The following SRPK2 variants were observed in gnomAD, a reference collection of about 807,000 sequenced individuals.
SRPK2 encodes the protein SFRS protein kinase 2.
In SRPK2, 21 loss-of-function variants were observed where a neutral mutation model predicts 90.8. That is an observed-to-expected ratio of 0.23 (90% CI 0.16 to 0.33). SRPK2 has a LOEUF of 0.33. Ranked by LOEUF, SRPK2 falls within the 10% of genes least tolerant of loss-of-function variation. The pLI, the probability that SRPK2 is intolerant of heterozygous loss-of-function variation, is 1.00. For synonymous variants in SRPK2, 288 were observed against 311.1 expected (o/e 0.93, Z 0.78); for missense variants, 620 against 869.0 (o/e 0.71, Z 3.60).
At position 105,252,158 on chromosome 7, in the gene SRPK2, TA is replaced by T. The variant is rs572483251; in HGVS notation, c.72-48374del. ...GATGACAGAAAATTAAGCAGCTCCT[TA>T]AAATAAAAAATGCTCAAAATAACTT... On this transcript the variant is annotated intron_variant, in intron 2 of 15. Transcript: ENST00000393651. Among the ~76,000 whole-genome samples the T allele has an allele frequency of 2.1e-3, 321 of 152,266 alleles. 1 individual carries two copies. Among genetic ancestry groups the T allele is most frequent in the African/African-American group, 7.4e-3 (309 of 41,564 alleles).
chr7:105,174,616 A>G (rs1791598795), intron 3 of SRPK2, among the ~76,000 whole-genome samples: 1 of 152,202 alleles, frequency 6.6e-6, no homozygotes, highest in Non-Finnish European at 1.5e-5. Flanking sequence ...AACATAACAT[A>G]AAGACACATT....
intron 2 of SRPK2, among the ~76,000 whole-genome samples, chr7:105,320,942 T>C (rs977153424): frequency 6.6e-6 from 1 of 152,176 alleles, no homozygotes; most frequent in Non-Finnish European, 1.5e-5. Context: ...GCAATCCCTC[T>C]GCCTCAGCCT....
chr7:105,173,112 A>T (rs888522602), intron 3 of SRPK2, among the ~76,000 whole-genome samples: 4 of 151,042 alleles, frequency 2.6e-5, no homozygotes, highest in Admixed American at 2.6e-4. Context: ...ATTACACAAG[A>T]GGGGCATTTT....
intron 3 of SRPK2, among the ~76,000 whole-genome samples, chr7:105,171,124 T>C (rs1329751648): frequency 1.3e-5 from 2 of 151,624 alleles, no homozygotes; most frequent in East Asian, 1.9e-4. Context: ...AAATCAGCTA[T>C]AGAGGGCACC....
intron 2 of SRPK2, among the ~76,000 whole-genome samples, chr7:105,380,028 G>A (rs1469910074): frequency 1.3e-5 from 2 of 152,232 alleles, no homozygotes; most frequent in Non-Finnish European, 2.9e-5. Flanking sequence ...TGCAGTCCCA[G>A]CTACTTGGGA....
intron 2 of SRPK2, among the ~76,000 whole-genome samples, chr7:105,228,035 C>A (rs1400386552): frequency 6.6e-6 from 1 of 151,756 alleles, no homozygotes; most frequent in African/African-American, 2.4e-5. Context: ...ATGGTGAAAA[C>A]CAATATCCTA....
intron 2 of SRPK2, among the ~76,000 whole-genome samples, chr7:105,345,668 T>G (rs1816369393): frequency 6.6e-6 from 1 of 152,212 alleles, no homozygotes; most frequent in Non-Finnish European, 1.5e-5. Flanking sequence ...TCATATTTAT[T>G]TTACACATGA....
At chr7:105,388,441 T>C (rs968506793) in intron 2 of SRPK2, among the ~76,000 whole-genome samples, 1 of 146,286 alleles carries the variant, frequency 6.8e-6, no homozygotes. Context: ...TCCGTGATGC[T>C]AGGGAACCGG....
chr7:105,279,786 A>G (rs889442039), intron 2 of SRPK2, among the ~76,000 whole-genome samples: 1 of 152,208 alleles, frequency 6.6e-6, no homozygotes, highest in Non-Finnish European at 1.5e-5. Context: ...TAGTTAATCC[A>G]GCCCCTCAAC....
chr7:105,155,059 C>T (rs184170641), intron 7 of SRPK2, among the ~76,000 whole-genome samples: 2 of 152,248 alleles, frequency 1.3e-5, no homozygotes, highest in East Asian at 1.9e-4. Flanking sequence ...CGGCTCACTG[C>T]AGCCTCCGCC....
chr7:105,184,429 T>A (rs1275584608), intron 3 of SRPK2, among the ~76,000 whole-genome samples: 1 of 152,222 alleles, frequency 6.6e-6, no homozygotes, highest in Non-Finnish European at 1.5e-5. Context: ...GGAAACCAAA[T>A]ACACGATCTT....
chr7:105,376,290 C>A (rs979074572), intron 2 of SRPK2, among the ~76,000 whole-genome samples: 1 of 151,832 alleles, frequency 6.6e-6, no homozygotes, highest in Admixed American at 6.6e-5. Context: ...AATCACCACG[C>A]CCGGCCAAAA....
chr7:105,123,219 A>T (rs1278020418), intron 15 of SRPK2, among the ~76,000 whole-genome samples: 1 of 152,240 alleles, frequency 6.6e-6, no homozygotes, highest in Non-Finnish European at 1.5e-5. Flanking sequence ...CTGACCAAAA[A>T]TACAGCTCAA....
At chr7:105,274,162 GGTC>G (rs1323629980) in intron 2 of SRPK2, among the ~76,000 whole-genome samples, 4 of 152,064 alleles carry the variant, frequency 2.6e-5, no homozygotes, top group African/African-American at 9.7e-5. Context: ...TGACCTTTCT[GGTC>G]TTAAAGCGTA....
At chr7:105,322,015 C>T (rs1234122689) in intron 2 of SRPK2, among the ~76,000 whole-genome samples, 1 of 152,056 alleles carries the variant, frequency 6.6e-6, no homozygotes, top group Non-Finnish European at 1.5e-5. Flanking sequence ...CAGCATTATC[C>T]ACAATAGCCA....
At chr7:105,309,625 T>C (rs1811493129) in intron 2 of SRPK2, among the ~76,000 whole-genome samples, 1 of 152,306 alleles carries the variant, frequency 6.6e-6, no homozygotes, top group African/African-American at 2.4e-5. Flanking sequence ...AGTGAACAAC[T>C]ATCATGAAAG....
intron 3 of SRPK2, among the ~76,000 whole-genome samples, chr7:105,185,299 T>G (rs1387471808): frequency 6.6e-6 from 1 of 151,858 alleles, no homozygotes; most frequent in African/African-American, 2.4e-5. Flanking sequence ...AAAAAATTCT[T>G]AGTAACTAAA....
At chr7:105,293,508 C>T (rs1219628400) in intron 2 of SRPK2, among the ~76,000 whole-genome samples, 2 of 151,800 alleles carry the variant, frequency 1.3e-5, no homozygotes, top group Non-Finnish European at 2.9e-5. Flanking sequence ...CCCCACCCCG[C>T]CCCGGGTTTC....
intron 2 of SRPK2, chr7:105,244,819 C>G: frequency 1.0e-6 from 1 of 974,744 alleles, no homozygotes; most frequent in Non-Finnish European, 1.7e-6. Flanking sequence ...ACAAGCAGCA[C>G]GCCAAGGAGT....
Sources: allele counts gnomAD v4.1 joint callset (sites outside exome capture counted in the v4.1 genomes callset), GRCh38; gene constraint gnomAD v4.1.1; transcripts MANE v1.5; gene names NCBI Gene and HGNC (gene_info 2026-07-23, HGNC 2026-07-21).